TAB3: variants seen among roughly 807,000 people sequenced by gnomAD.
TAB3 encodes the protein TGF-beta-activated kinase 1 and MAP3K7-binding protein 3.
TAB3 carries 18 observed loss-of-function variants against 48.1 expected under a neutral mutation model. The observed-to-expected ratio is 0.37, with a 90% CI of 0.26 to 0.55. The LOEUF (loss-of-function observed/expected upper bound fraction) is 0.55. Among genes scored for constraint, TAB3 ranks in the 20% least tolerant of loss-of-function variants. The pLI is 0.78. For missense variants in TAB3, 414 were observed against 549.8 expected, an observed-to-expected ratio of 0.75 and a Z score of 2.47; for synonymous variants, 185 against 190.2, an observed-to-expected ratio of 0.97 and a Z score of 0.22.
Position 30,855,210 on chromosome X carries a change from G to A in TAB3, c.455C>T (p.Pro152Leu). ...TGGCTGTTGAGGTGGTTGTGAAGGA[G>A]GAGTAGCTGCACTTCTGTTCTGTTC... ...MNEQNRSAATPPSQPPQQPSS... is the reference protein window; with the variant it reads ...MNEQNRSAATLPSQPPQQPSS... Residue 152 changes from proline (P) to leucine (L), a missense_variant, in exon 6 of 11, where the codon CCT becomes CTT. Pro to Leu is a moderately conservative substitution (Grantham distance 98). Coordinates refer to ENST00000288422, the MANE Select transcript of TAB3 (RefSeq NM_152787.5). 7 of 1,211,955 alleles carry A rather than the reference G, an allele frequency of 5.8e-6. No individual in the cohort carries two copies.
chrX:30,868,328 ATATATAAGCTTT>A (rs1939489855), intron 2 of TAB3, among the ~76,000 whole-genome samples: 1 of 61,596 alleles, frequency 1.6e-5, no homozygotes, highest in African/African-American at 6.4e-5. Context: ...ATATATATAT[ATATATAAGCTTT>A]TATATATATA....
chrX:30,872,874 G>A (rs1359063372), intron 1 of TAB3, among the ~76,000 whole-genome samples: 1 of 111,822 alleles, frequency 8.9e-6, no homozygotes, highest in Non-Finnish European at 1.9e-5. Context: ...AATATGAAGT[G>A]ACCACAAGCA....
intron 7 of TAB3, among the ~76,000 whole-genome samples, 182 bp downstream of exon 7, chrX:30,852,596 G>C (rs1334145555): frequency 3.6e-5 from 4 of 110,916 alleles, no homozygotes; most frequent in African/African-American, 9.8e-5. Context: ...CTGCATACAT[G>C]AATTATTTTG....
chrX:30,873,071 G>A (rs1158348868), intron 1 of TAB3, among the ~76,000 whole-genome samples: 1 of 111,936 alleles, frequency 8.9e-6, no homozygotes, highest in African/African-American at 3.3e-5. Context: ...AGAGACTTAA[G>A]GGGTATAACC....
intron 6 of TAB3, 61 bp downstream of exon 6, chrX:30,854,055 T>C: frequency 9.1e-7 from 1 of 1,100,205 alleles, no homozygotes; most frequent in East Asian, 3.0e-5. Flanking sequence ...GCTAATATAT[T>C]TGAATGGGAG....
At position 30,829,029 on chromosome X, in the gene TAB3, A is replaced by G. The variant is rs12389825; in HGVS notation, c.*2398T>C. 292 of 112,143 alleles carry G rather than the reference A, an allele frequency of 2.6e-3. 2 individuals are homozygous for G. The highest frequency in any genetic ancestry group is 8.9e-3 in the African/African-American group (273 of 30,791). The allele number at this position is 112,143 out of a possible 1,213,427, so 9.2% of individuals were successfully genotyped here. ...CATATGAAACTTGTGCACAATTAAA[A>G]ATTAACATGTACAAAACTTCCTTAA... On this transcript the variant is annotated 3_prime_UTR_variant, in exon 11 of 11. Coordinates refer to ENST00000288422, the MANE Select transcript of TAB3 (RefSeq NM_152787.5).
chrX:30,860,608 T>C (rs964498652), intron 4 of TAB3, among the ~76,000 whole-genome samples: 2 of 111,525 alleles, frequency 1.8e-5, no homozygotes, highest in African/African-American at 6.5e-5. Context: ...ATTTTGGGCT[T>C]TTCTATTAAA....
chrX:30,833,940 C>G lies in TAB3; in HGVS notation c.1990+111G>C, dbSNP rs183613487. ...ACTGGACAGCACAGCCTTAGAAACT[C>G]GGTAATGTTTTTAAAGCAAAAAATA... On this transcript the variant is annotated intron_variant, in intron 10 of 10. Transcript: ENST00000288422. The G allele has an allele frequency of 1.2e-5, 8 of 647,198 alleles. No individual in the cohort carries two copies. In the African/African-American group the frequency reaches 1.8e-4, roughly 14 times the overall value. The allele number at this position is 647,198 out of a possible 1,213,427, so 53.3% of individuals were successfully genotyped here. A position where few individuals can be genotyped will look rare whatever the true frequency, so the allele number is the denominator to read the frequency against.
Position 30,835,035 on chromosome X carries a change from C to A in TAB3, c.1889-883G>T, listed in dbSNP as rs769796691. On this transcript the variant is annotated intron_variant, in intron 9 of 10. Transcript: ENST00000288422. ...AAATCATTTCCTGAATTCCAATTAC[C>A]TATGTGTGCAGAAGCCCAGCAGACA... 2.4e-5 allele frequency: 3 copies of A among 122,857 alleles called. No individual in the cohort carries two copies. In the East Asian group the frequency reaches 8.3e-4, roughly 34 times the overall value. The allele number at this position is 122,857 out of a possible 1,213,427, so 10.1% of individuals were successfully genotyped here.
In TAB3 at chrX:30,838,566, T is replaced by C. The variant is rs778791452; in HGVS notation, c.1888+4400A>G. Among the ~76,000 whole-genome samples the C allele has an allele frequency of 4.4e-5, 5 of 112,448 alleles. No homozygotes were observed. The East Asian group carries it at 1.1e-3, about 25-fold the overall frequency. ...TGTTAATTAAAAATGCACTACCACC[T>C]AATGGGGTTATAATTGGTATTACAC... On this transcript the variant is annotated intron_variant, in intron 9 of 10. Coordinates refer to ENST00000288422, the MANE Select transcript of TAB3 (RefSeq NM_152787.5).
Position 30,831,148 on chromosome X carries a change from C to T in TAB3, c.*279G>A, listed in dbSNP as rs1048210242. ...CAATTGGGATTCCACCACAGAAGAG[C>T]TCTTGACTTCTGTGTGTACATTCTT... On this transcript the variant is annotated 3_prime_UTR_variant, in exon 11 of 11. Transcript: ENST00000288422. The T allele has an allele frequency of 3.9e-6, 1 of 255,929 alleles. No homozygotes were observed. The highest frequency in any genetic ancestry group is 2.8e-5 in the African/African-American group (1 of 35,440). 21.1% of individuals were successfully genotyped at this position (255,929 alleles called of 1,213,427 possible).
At chrX:30,833,131 C>T (rs1160718702) in intron 10 of TAB3, among the ~76,000 whole-genome samples, 2 of 108,733 alleles carry the variant, frequency 1.8e-5, no homozygotes, top group Non-Finnish European at 3.8e-5. Flanking sequence ...CCACCGCACC[C>T]GGCTAATTTT....
At chrX:30,870,609 GT>G (rs1364878718) in intron 2 of TAB3, among the ~76,000 whole-genome samples, 1 of 112,359 alleles carries the variant, frequency 8.9e-6, no homozygotes, top group Admixed American at 9.4e-5. Context: ...CAAAAAATAG[GT>G]TTTTTGTTTA....
chrX:30,847,079 T>C (rs967280075), intron 7 of TAB3, among the ~76,000 whole-genome samples: 1 of 111,531 alleles, frequency 9.0e-6, no homozygotes, highest in African/African-American at 3.3e-5. Flanking sequence ...TCTCATTCCT[T>C]CTTCTTAACA....
chrX:30,831,670 T>C (rs1278874388), intron 10 of TAB3, 95 bp from the exon 11 acceptor site: 25 of 981,714 alleles, frequency 2.5e-5, no homozygotes, highest in Non-Finnish European at 6.8e-6. Context: ...ACCACAAAAA[T>C]CAAGGGAGGT....
chrX:30,836,618 G>C (rs1938222782), intron 9 of TAB3: 1 of 111,888 alleles, frequency 8.9e-6, no homozygotes. Context: ...CAAGGCAGCA[G>C]GATCGCTTCA....
intron 2 of TAB3, among the ~76,000 whole-genome samples, chrX:30,868,312 T>TATATATATATATATATA (rs1410557148): frequency 0.033 from 79 of 2,411 alleles, 23 homozygotes; most frequent in African/African-American, 0.073. Context: ...TATATATATA[T>TATATATATATATATATA]AGCTTATATA....
In TAB3 at chrX:30,830,918, C is replaced by CT. The variant is rs1555933048; in HGVS notation, c.*508_*509insA. 3 of 79,042 alleles carry CT rather than the reference C, an allele frequency of 3.8e-5. No homozygotes were observed. Among genetic ancestry groups the CT allele is most frequent in the Admixed American group, 1.4e-4 (1 of 6,945 alleles). The allele number at this position is 79,042 out of a possible 1,213,427, so 6.5% of individuals were successfully genotyped here. On this transcript the variant is annotated 3_prime_UTR_variant, in exon 11 of 11. Transcript: ENST00000288422. ...AAATACCCTTAATTAATTTGCCCCC[C>CT]CCCCCCAAATATTCTAGGTGCTTTT...
intron 1 of TAB3, among the ~76,000 whole-genome samples, chrX:30,876,870 G>A (rs773436228): frequency 9.0e-6 from 1 of 111,609 alleles, no homozygotes; most frequent in African/African-American, 3.3e-5. Context: ...AAAATAAAAC[G>A]CTCAGAATGA....
Sources: allele counts gnomAD v4.1 joint callset (sites outside exome capture counted in the v4.1 genomes callset), GRCh38; gene constraint gnomAD v4.1.1; transcripts MANE v1.5; gene names NCBI Gene and HGNC (gene_info 2026-07-23, HGNC 2026-07-21).